The following CELSR2 variants were observed in gnomAD, a reference collection of about 807,000 sequenced individuals.
CELSR2 encodes cadherin EGF LAG seven-pass G-type receptor 2.
A neutral mutation model predicts 251.6 loss-of-function variants in CELSR2; 81 were observed. The observed-to-expected ratio is 0.32, with a 90% CI of 0.27 to 0.39. The LOEUF (loss-of-function observed/expected upper bound fraction) is 0.39, where lower values mean the gene tolerates loss of function less well. Ranked by LOEUF, CELSR2 falls within the 10% of genes least tolerant of loss-of-function variation. The pLI, the probability that CELSR2 is intolerant of heterozygous loss-of-function variation, is 1.00. For missense variants in CELSR2, 3,365 were observed against 3,947.7 expected (o/e 0.85, Z 3.96); for synonymous variants, 1,721 against 1,670.5 (o/e 1.03, Z -0.74).
At chr1:109,266,559 ATTTTTTTT>A (rs35994599) in intron 15 of CELSR2, 18 of 83,742 alleles carry the variant, frequency 2.1e-4, no homozygotes, top group African/African-American at 3.4e-4. Flanking sequence ...CACCTGGCTA[ATTTTTTTT>A]TTTTTTTTTT....
In CELSR2 at chr1:109,263,662, G is replaced by A. The variant is rs746729949; in HGVS notation, c.4886G>A (p.Gly1629Asp). 9 of 1,614,030 alleles carry A rather than the reference G, an allele frequency of 5.6e-6. No individual in the cohort carries two copies. The East Asian group carries it at 2.0e-4, about 36-fold the overall frequency. The change falls in exon 9 of 34, where the codon GGC (glycine) becomes GAC (aspartate). Residue 1629 changes from glycine (G) to aspartate (D), a missense_variant. By Grantham distance (94) the Gly-to-Asp change is moderately conservative. This residue lies in a region of CELSR2 where 2,093 missense variants were observed against 2,382.8 expected (regional missense o/e 0.88). Coordinates refer to ENST00000271332, the MANE Select transcript of CELSR2 (RefSeq NM_001408.3). ...GGCAGCAGCCTGGTGGCCTGGCATGGCCTCTCGCTGCCCATCTCCCAACCC... is the reference window on the plus strand; with the variant it reads ...GGCAGCAGCCTGGTGGCCTGGCATGACCTCTCGCTGCCCATCTCCCAACCC... ...FLGSSLVAWH[G>D]LSLPISQPWY...
At position 109,250,746 on chromosome 1, in the gene CELSR2, C is replaced by T. The variant is rs1447021981; in HGVS notation, c.667C>T (p.Leu223Phe). The change falls in exon 1 of 34, where the codon CTC (leucine) becomes TTC (phenylalanine). Residue 223 changes from leucine (L) to phenylalanine (F), a missense_variant. Transcript: ENST00000271332. This position sits in a 1 kb window ranked among gnomAD's most constrained non-coding sequence, Gnocchi z 4.4. ...TCGACTGGAGTACACCATGGATGCC[C>T]TCTTTGATAGCCGCTCCAACCAGTT... is the stretch of plus-strand genomic sequence containing the variant. ...AGRLEYTMDA[L>F]FDSRSNQFFS... is the part of the protein sequence containing the mutation. The T allele has an allele frequency of 1.9e-6, 3 of 1,613,986 alleles. No homozygotes were observed. Among genetic ancestry groups the T allele is most frequent in the Non-Finnish European group, 2.5e-6 (3 of 1,180,028 alleles).
Position 109,262,976 on chromosome 1 carries a change from G to A in CELSR2, c.4708+7G>A, listed in dbSNP as rs749923260. On this transcript the variant is annotated splice_region_variant and intron_variant, in intron 7 of 33. Coordinates refer to ENST00000271332, the MANE Select transcript of CELSR2 (RefSeq NM_001408.3). ...AACAATGGCACCGTGCCTGGTATGG[G>A]GGCCCGGGGTGGAGCCAGGCTGGGA... The A allele has an allele frequency of 6.2e-7, 1 of 1,609,748 alleles. No homozygotes were observed. The highest frequency in any genetic ancestry group is 8.5e-7 in the Non-Finnish European group (1 of 1,176,608).
At chr1:109,272,067 C>A (rs556858665) in intron 28 of CELSR2, among the ~76,000 whole-genome samples, 1 of 152,282 alleles carries the variant, frequency 6.6e-6, no homozygotes, top group African/African-American at 2.4e-5. Context: ...AGTCCAGGAT[C>A]CCTGGGGGCA....
chr1:109,249,736 C>T lies in CELSR2; in HGVS notation c.-344C>T, dbSNP rs1655618854. Among the ~76,000 whole-genome samples the T allele has an allele frequency of 6.7e-6, 1 of 148,896 alleles. No individual in the cohort carries two copies. Among genetic ancestry groups the T allele is most frequent in the Admixed American group, 6.7e-5 (1 of 14,998 alleles). ...GGCGATCCCATAGGGGCGGAGGGGG[C>T]ACCCCGGCTCCGGAACCCGGGGCCC... On this transcript the variant is annotated 5_prime_UTR_variant, in exon 1 of 34. Coordinates refer to ENST00000271332, the MANE Select transcript of CELSR2 (RefSeq NM_001408.3).
At chr1:109,270,644 T>A in intron 24 of CELSR2, 44 bp downstream of exon 24, 1 of 1,598,022 alleles carries the variant, frequency 6.3e-7, no homozygotes, top group Non-Finnish European at 8.5e-7. Context: ...CATCCCTGGG[T>A]CCACCTTTGT....
intron 17 of CELSR2, 29 bp from the exon 18 acceptor site, chr1:109,268,552 C>T (rs1490711949): frequency 1.3e-6 from 2 of 1,577,772 alleles, no homozygotes; most frequent in Non-Finnish European, 1.7e-6. Context: ...GGGTTGTGAG[C>T]ACACCCACCG....
chr1:109,267,193 G>C (rs947019108), intron 15 of CELSR2, among the ~76,000 whole-genome samples: 1 of 151,988 alleles, frequency 6.6e-6, no homozygotes, highest in African/African-American at 2.4e-5. Flanking sequence ...GGTGTTGGCT[G>C]CTGACCCAGG....
intron 1 of CELSR2, among the ~76,000 whole-genome samples, chr1:109,256,994 A>T (rs1425978900): frequency 6.6e-6 from 1 of 152,190 alleles, no homozygotes; most frequent in African/African-American, 2.4e-5. Context: ...TTCTTTGTGG[A>T]GACTGAATAG....
At chr1:109,267,019 C>G (rs1306973358) in intron 15 of CELSR2, among the ~76,000 whole-genome samples, 5 of 152,168 alleles carry the variant, frequency 3.3e-5, no homozygotes, top group Admixed American at 2.0e-4. Flanking sequence ...CCGTGCCCAG[C>G]CCACATCTTG....
chr1:109,250,750 T>C lies in CELSR2; in HGVS notation c.671T>C (p.Phe224Ser). 1 of 1,614,088 alleles carries C rather than the reference T, an allele frequency of 6.2e-7. No homozygotes were observed. The highest frequency in any genetic ancestry group is 8.5e-7 in the Non-Finnish European group (1 of 1,180,010). Reference protein sequence around the residue: ...GRLEYTMDALFDSRSNQFFSL... With the variant: ...GRLEYTMDALSDSRSNQFFSL... ...CTGGAGTACACCATGGATGCCCTCT[T>C]TGATAGCCGCTCCAACCAGTTCTTC... The change falls in exon 1 of 34, where the codon TTT (phenylalanine) becomes TCT (serine). Residue 224 changes from phenylalanine (F) to serine (S), a missense_variant. Around this residue, in one of 5 missense-constraint regions of CELSR2, gnomAD observed 704 missense variants for 784.1 expected, o/e 0.90. Transcript: ENST00000271332. The surrounding 1 kb of genome is among the most constrained non-coding windows in gnomAD (Gnocchi z 4.4).
At position 109,267,916 on chromosome 1, in the gene CELSR2, C is replaced by G. The variant is rs1247865811; in HGVS notation, c.6174C>G (p.Leu2058=). 6.2e-7 allele frequency: 1 copy of G among 1,611,402 alleles called. No individual in the cohort carries two copies. Among genetic ancestry groups the G allele is most frequent in the Non-Finnish European group, 8.5e-7 (1 of 1,179,686 alleles). Residue 2058 remains leucine (L), a synonymous_variant, in exon 17 of 34, where the codon CTC becomes CTG. Coordinates refer to ENST00000271332, the MANE Select transcript of CELSR2 (RefSeq NM_001408.3). ...GGCGCTCCCAGCAGCTAGCCCTGCT[C>G]CTGCGCAACGCCACGCAGCACACAG... is the stretch of plus-strand genomic sequence containing the variant. The part of the protein sequence containing the change: ...DSGRSQQLAL[L]LRNATQHTAG...
At chr1:109,273,693 G>GGT in intron 33 of CELSR2, 23 bp downstream of exon 33, 2 of 751,822 alleles carry the variant, frequency 2.7e-6, no homozygotes, top group Non-Finnish European at 4.2e-6. Context: ...GGGTGGGCGG[G>GGT]ACGGGGTGCA....
rs370134943 is a variant in CELSR2 at position 109,261,307 on chromosome 1, C to T, written c.4181+43C>T. On this transcript the variant is annotated intron_variant, in intron 3 of 33. Coordinates refer to ENST00000271332, the MANE Select transcript of CELSR2 (RefSeq NM_001408.3). This position sits in a 1 kb window ranked among gnomAD's most constrained non-coding sequence, Gnocchi z 4.8. Reference sequence around the variant, plus strand: ...GGGGGTGGGGAGTGGGCCTGGTGGGCATCTGAGGTGCCTCCTGTTCTGTGG... The same window carrying T: ...GGGGGTGGGGAGTGGGCCTGGTGGGTATCTGAGGTGCCTCCTGTTCTGTGG... 5.7e-6 allele frequency: 9 copies of T among 1,566,986 alleles called. No individual in the cohort carries two copies. Among genetic ancestry groups the T allele is most frequent in the African/African-American group, 2.7e-5 (2 of 73,978 alleles).
intron 9 of CELSR2, 63 bp from the exon 10 acceptor site, chr1:109,264,015 G>T: frequency 6.6e-7 from 1 of 1,513,714 alleles, no homozygotes. Flanking sequence ...AAGGGGAACT[G>T]TGAGCTGGAG....
Position 109,265,265 on chromosome 1 carries a change from G to T in CELSR2, c.5681G>T (p.Gly1894Val). The change falls in exon 13 of 34, where the codon GGC (glycine) becomes GTC (valine). Residue 1894 changes from glycine to valine, a missense_variant. Physicochemically the swap from Gly to Val is moderately radical, Grantham distance 109. Around this residue, in one of 5 missense-constraint regions of CELSR2, gnomAD observed 2,093 missense variants for 2,382.8 expected, o/e 0.88. Coordinates refer to ENST00000271332, the MANE Select transcript of CELSR2 (RefSeq NM_001408.3). ...CCATGCAACTGTGATGTCAGCAAAGGCTTTGACCCAGACTGCAACAAGACA... is the reference window on the plus strand; with the variant it reads ...CCATGCAACTGTGATGTCAGCAAAGTCTTTGACCCAGACTGCAACAAGACA... ...CGPCNCDVSK[G>V]FDPDCNKTSG... 1.2e-6 allele frequency: 2 copies of T among 1,612,936 alleles called. No homozygotes were observed. Among genetic ancestry groups the T allele is most frequent in the Non-Finnish European group, 1.7e-6 (2 of 1,179,336 alleles).
In CELSR2 at chr1:109,272,877, C is replaced by G; in HGVS notation, c.8188C>G (p.Gln2730Glu). Reference protein sequence around the residue: ...SDSDLSLEDDQSGSYASTHSS... With the variant: ...SDSDLSLEDDESGSYASTHSS... ...CAGTGACCTGTCCTTAGAAGACGAC[C>G]AGAGTGGCTCCTATGCCTCTACCCA... The change falls in exon 31 of 34, where the codon CAG (glutamine) becomes GAG (glutamate). Residue 2730 changes from glutamine to glutamate, a missense_variant. This residue lies in a region of CELSR2 where 2,093 missense variants were observed against 2,382.8 expected (regional missense o/e 0.88). Transcript: ENST00000271332. 6.2e-7 allele frequency: 1 copy of G among 1,613,976 alleles called. No homozygotes were observed. The highest frequency in any genetic ancestry group is 8.5e-7 in the Non-Finnish European group (1 of 1,179,968).
chr1:109,273,337 G>C lies in CELSR2; in HGVS notation c.8509+1G>C, dbSNP rs143750718. On this transcript the variant is annotated splice_donor_variant, in intron 32 of 33. Coordinates refer to ENST00000271332, the MANE Select transcript of CELSR2 (RefSeq NM_001408.3). LOFTEE classifies it high-confidence loss of function. ...GGCTCTTCTGCCCAGCCTCACAAAG[G>C]TGAGTGGGGCACCCCCAGCTGCCGA... 2 of 1,600,398 alleles carry C rather than the reference G, an allele frequency of 1.2e-6. No individual in the cohort carries two copies. Among genetic ancestry groups the C allele is most frequent in the Non-Finnish European group, 1.7e-6 (2 of 1,173,028 alleles).
intron 25 of CELSR2, 67 bp downstream of exon 25, chr1:109,271,106 C>T: frequency 6.6e-7 from 1 of 1,515,334 alleles, no homozygotes; most frequent in Non-Finnish European, 9.2e-7. Context: ...GCTGCTGGGG[C>T]CGCGTGTCCT....
Sources: allele counts gnomAD v4.1 joint callset (sites outside exome capture counted in the v4.1 genomes callset), GRCh38; gene constraint gnomAD v4.1.1; regional missense constraint gnomAD v4.1.1; non-coding constraint Gnocchi (gnomAD v3.1); transcripts MANE v1.5; gene names NCBI Gene and HGNC (gene_info 2026-07-23, HGNC 2026-07-21).